Variants in SLFN11 observed in about 807,000 individuals in gnomAD.
The protein encoded by SLFN11 is schlafen family member 11.
Under a neutral mutation model 53.4 loss-of-function variants are expected in SLFN11, and 43 were observed. The ratio of observed to expected loss-of-function variants is 0.80; its 90% CI spans 0.63 to 1.04. SLFN11 has a LOEUF of 1.04. Among genes scored for constraint, SLFN11 ranks in the 50% least tolerant of loss-of-function variants. SLFN11 has a pLI of 0.00. For synonymous variants in SLFN11, 389 were observed against 394.7 expected (o/e 0.99, Z 0.17); for missense variants, 990 against 1,079.1 (o/e 0.92, Z 1.16).
At chr17:35,359,505 G>A (rs532016946) in intron 5 of SLFN11, among the ~76,000 whole-genome samples, 3 of 152,210 alleles carry the variant, frequency 2.0e-5, no homozygotes, top group African/African-American at 2.4e-5. Context: ...TAAGCAAGTG[G>A]TTTTCCCTCT....
In SLFN11 at chr17:35,363,013, A is replaced by G. The variant is rs1481634585; in HGVS notation, c.795T>C (p.Val265=). 6.2e-7 allele frequency: 1 copy of G among 1,613,960 alleles called. No individual in the cohort carries two copies. The part of the protein sequence containing the change: ...REVLGCAKEN[V]DPDSLRRKIE... ...TTTTCCTTCTCAAAGAGTCAGGGTC[A>G]ACATTTTCTTTTGCACATCCCAGGA... The change falls in exon 4 of 7, where the codon GTT becomes GTC. Residue 265 remains valine, a synonymous_variant. Coordinates refer to ENST00000685675, the MANE Select transcript of SLFN11 (RefSeq NM_001376007.1).
Position 35,352,390 on chromosome 17 carries a change from T to C in SLFN11, c.2672A>G (p.Gln891Arg). The C allele has an allele frequency of 1.2e-6, 2 of 1,614,214 alleles. No individual in the cohort carries two copies. The highest frequency in any genetic ancestry group is 2.2e-5 in the East Asian group (1 of 44,888). ...ACCCCACGGAAAAATATACAGGTGT[T>C]GTTTTGCCCTGGAAGCCAGACAGAT... ...VLICLASRAK[Q>R]HLYIFPWGGH The change falls in exon 7 of 7, where the codon CAA becomes CGA. Residue 891 changes from glutamine to arginine, a missense_variant. Physicochemically the swap from Gln to Arg is conservative, Grantham distance 43 (BLOSUM62 1). This residue lies in a region of SLFN11 where 313 missense variants were observed against 320.9 expected (regional missense o/e 0.98). Coordinates refer to ENST00000685675, the MANE Select transcript of SLFN11 (RefSeq NM_001376007.1).
At chr17:35,372,023 A>G (rs1909740056) in intron 1 of SLFN11, among the ~76,000 whole-genome samples, 2 of 152,140 alleles carry the variant, frequency 1.3e-5, no homozygotes, top group African/African-American at 2.4e-5. Context: ...CTGCACTCCT[A>G]TGTTTCCTGC....
At position 35,352,799 on chromosome 17, in the gene SLFN11, T is replaced by C; in HGVS notation, c.2263A>G (p.Asn755Asp). Residue 755 changes from asparagine (N) to aspartate (D), a missense_variant, in exon 7 of 7, where the codon AAC becomes GAC. This residue lies in a region of SLFN11 where 313 missense variants were observed against 320.9 expected (regional missense o/e 0.98). Coordinates refer to ENST00000685675, the MANE Select transcript of SLFN11 (RefSeq NM_001376007.1). ...ACCTCGAGGCACCCAGTGGGGATGT[T>C]AAATGAAGGATTACTTCTAATTACT... ...MQVIRSNPSF[N>D]IPTGCLEVFP... The C allele has an allele frequency of 6.2e-7, 1 of 1,614,240 alleles. No homozygotes were observed. The highest frequency in any genetic ancestry group is 1.6e-4 in the Middle Eastern group (1 of 6,062).
rs141788369 is a variant in SLFN11 at position 35,352,422 on chromosome 17, A to T, written c.2640T>A (p.Asn880Lys). ...PRTADPAILP[N>K]VLICLASRAK... Reference sequence around the variant, plus strand: ...CCCTGGAAGCCAGACAGATCAGAACATTGGGTAAGATAGCTGGGTCAGCTG... The same window carrying T: ...CCCTGGAAGCCAGACAGATCAGAACTTTGGGTAAGATAGCTGGGTCAGCTG... Residue 880 changes from asparagine to lysine, a missense_variant, in exon 7 of 7, where the codon AAT becomes AAA. Transcript: ENST00000685675. The T allele has an allele frequency of 2.7e-5, 43 of 1,614,132 alleles. No homozygotes were observed. The African/African-American group carries it at 5.2e-4, about 20-fold the overall frequency.
chr17:35,352,430 A>C lies in SLFN11; in HGVS notation c.2632T>G (p.Leu878Val). ...IHPRTADPAI[L>V]PNVLICLASR... ...GCCAGACAGATCAGAACATTGGGTA[A>C]GATAGCTGGGTCAGCTGTCCTTGGA... The change falls in exon 7 of 7, where the codon TTA becomes GTA. Residue 878 changes from leucine to valine, a missense_variant. Transcript: ENST00000685675. 6.2e-7 allele frequency: 1 copy of C among 1,614,256 alleles called. No individual in the cohort carries two copies. The highest frequency in any genetic ancestry group is 1.1e-5 in the South Asian group (1 of 91,088).
rs200287909 is a variant in SLFN11 at position 35,353,158 on chromosome 17, C to T, written c.1923-19G>A. 386 of 1,580,850 alleles carry T rather than the reference C, an allele frequency of 2.4e-4. No homozygotes were observed. The highest frequency in any genetic ancestry group is 7.0e-4 in the Admixed American group (40 of 57,070). On this transcript the variant is annotated intron_variant, in intron 6 of 6. Transcript: ENST00000685675. ...TCTATCACTGTAAAAATTAAAAGAACACACTCAGGTTTTCTCTAAAAAAAC... is the reference window on the plus strand; with the variant it reads ...TCTATCACTGTAAAAATTAAAAGAATACACTCAGGTTTTCTCTAAAAAAAC...
rs1906673035 is a variant in SLFN11, at chr17:35,351,488, A to G, written c.*868T>C. 1 of 152,232 alleles carries G rather than the reference A, an allele frequency of 6.6e-6. No homozygotes were observed. Among genetic ancestry groups the G allele is most frequent in the East Asian group, 1.9e-4 (1 of 5,204 alleles). 9.4% of individuals were successfully genotyped at this position (152,232 alleles called of 1,614,324 possible). ...AACATAAAACTTAACTAGGTGTGTT[A>G]TAGAGCAATGCATAGAACTAAGCTG... On this transcript the variant is annotated 3_prime_UTR_variant, in exon 7 of 7. Coordinates refer to ENST00000685675, the MANE Select transcript of SLFN11 (RefSeq NM_001376007.1).
Position 35,363,688 on chromosome 17 carries a change from G to A in SLFN11, c.120C>T (p.Asp40=). 5 of 1,613,804 alleles carry A rather than the reference G, an allele frequency of 3.1e-6. No homozygotes were observed. Among genetic ancestry groups the A allele is most frequent in the East Asian group, 2.2e-5 (1 of 44,872 alleles). ...NRKKLQKIQR[D]QEKERVMRAA... is the part of the protein sequence containing the mutation. ...CCCGCATAACTCTCTCCTTCTCTTG[G>A]TCTCTCTGAATTTTCTGCAGCTTTT... is the stretch of plus-strand genomic sequence containing the variant. Residue 40 remains aspartate (D), a synonymous_variant, in exon 4 of 7, where the codon GAC becomes GAT. Coordinates refer to ENST00000685675, the MANE Select transcript of SLFN11 (RefSeq NM_001376007.1).
rs1412073813 is a variant in SLFN11, at chr17:35,353,595, C to T, written c.1663G>A (p.Val555Met). The change falls in exon 6 of 7, where the codon GTG (valine) becomes ATG (methionine). Residue 555 changes from valine (V) to methionine (M), a missense_variant. By Grantham distance (21) the Val-to-Met change is conservative. Transcript: ENST00000685675. ...GACCTGAAGCCGAGTAAGACAATCA[C>T]GAGGGACTGCAGCAGGGCTTCCATG... ...QHMEALLQSL[V>M]IVLLGFRSLL... 1.7e-6 allele frequency: 2 copies of T among 1,180,488 alleles called. No individual in the cohort carries two copies. The highest frequency in any genetic ancestry group is 1.6e-5 in the South Asian group (1 of 62,168). 73.1% of individuals were successfully genotyped at this position (1,180,488 alleles called of 1,614,324 possible).
At position 35,371,732 on chromosome 17, in the gene SLFN11, C is replaced by A. The variant is rs143935214; in HGVS notation, c.-235+1742G>T. Among the ~76,000 whole-genome samples, 1,302 of 152,196 alleles carry A rather than the reference C, an allele frequency of 8.6e-3. 21 individuals carry two copies. The highest frequency in any genetic ancestry group is 0.03 in the African/African-American group (1,257 of 41,534). Reference sequence around the variant, plus strand: ...GCATGTGAAAAGGTGCTCAACATCACTGATCATCAGAAAAATGCAAATCCA... The same window carrying A: ...GCATGTGAAAAGGTGCTCAACATCAATGATCATCAGAAAAATGCAAATCCA... On this transcript the variant is annotated intron_variant, in intron 1 of 6. Coordinates refer to ENST00000685675, the MANE Select transcript of SLFN11 (RefSeq NM_001376007.1).
At chr17:35,356,495 G>A (rs969863698) in intron 5 of SLFN11, among the ~76,000 whole-genome samples, 2 of 151,804 alleles carry the variant, frequency 1.3e-5, no homozygotes, top group Admixed American at 6.6e-5. Context: ...CTATTCTTCC[G>A]AAATTACTTT....
chr17:35,363,118 T>A lies in SLFN11; in HGVS notation c.690A>T (p.Thr230=). ...TKHFQEYVKR[T]IPEYVPAFAN... Reference sequence around the variant, plus strand: ...CAAATGCAGGGACGTATTCTGGAATTGTCCTTTTTACATATTCTTGGAAGT... The same window carrying A: ...CAAATGCAGGGACGTATTCTGGAATAGTCCTTTTTACATATTCTTGGAAGT... The change falls in exon 4 of 7, where the codon ACA becomes ACT. Residue 230 remains threonine, a synonymous_variant. Transcript: ENST00000685675. The A allele has an allele frequency of 6.2e-7, 1 of 1,613,828 alleles. No individual in the cohort carries two copies. The highest frequency in any genetic ancestry group is 8.5e-7 in the Non-Finnish European group (1 of 1,179,934).
rs1439232908 is a variant in SLFN11 at position 35,363,718 on chromosome 17, G to C, written c.90C>G (p.Asn30Lys). ...NVGEVTLGEE[N>K]RKKLQKIQRD... Reference sequence around the variant, plus strand: ...TCTGAATTTTCTGCAGCTTTTTTCTGTTTTCTTCTCCAAGAGTCACTTCTC... The same window carrying C: ...TCTGAATTTTCTGCAGCTTTTTTCTCTTTTCTTCTCCAAGAGTCACTTCTC... Residue 30 changes from asparagine to lysine, a missense_variant, in exon 4 of 7, where the codon AAC becomes AAG. Asn to Lys is a moderately conservative substitution (Grantham distance 94). Coordinates refer to ENST00000685675, the MANE Select transcript of SLFN11 (RefSeq NM_001376007.1). 1.9e-6 allele frequency: 3 copies of C among 1,613,834 alleles called. No individual in the cohort carries two copies. The highest frequency in any genetic ancestry group is 4.5e-5 in the East Asian group (2 of 44,880).
intron 1 of SLFN11, among the ~76,000 whole-genome samples, chr17:35,372,686 C>T (rs574193367): frequency 1.5e-4 from 23 of 152,124 alleles, no homozygotes; most frequent in Admixed American, 5.9e-4. Context: ...ATGGATACCC[C>T]CATTTACCGT....
intron 1 of SLFN11, among the ~76,000 whole-genome samples, chr17:35,372,199 G>A (rs1025190619): frequency 7.2e-5 from 11 of 152,082 alleles, no homozygotes; most frequent in Non-Finnish European, 1.6e-4. Flanking sequence ...AAATCATTAC[G>A]TTAAATGAAA....
At chr17:35,367,422 T>C (rs1909090235) in intron 2 of SLFN11, 181 bp downstream of exon 2, 2 of 152,140 alleles carry the variant, frequency 1.3e-5, no homozygotes, top group Non-Finnish European at 1.5e-5. Flanking sequence ...ATAATCAGCA[T>C]CACTTGCACA....
At chr17:35,357,355 T>G (rs1907645372) in intron 5 of SLFN11, among the ~76,000 whole-genome samples, 1 of 152,084 alleles carries the variant, frequency 6.6e-6, no homozygotes, top group East Asian at 1.9e-4. Context: ...AGTCTTTACT[T>G]TTATGGTTCA....
intron 3 of SLFN11, among the ~76,000 whole-genome samples, chr17:35,365,588 C>A (rs776231767): frequency 4.1e-4 from 63 of 152,224 alleles, no homozygotes; most frequent in Non-Finnish European, 6.8e-4. Flanking sequence ...AGCCACAATG[C>A]CCAGCTGACA....
Sources: gnomAD v4.1 joint callset for allele counts (sites outside exome capture counted in the v4.1 genomes callset) on GRCh38, gnomAD v4.1.1 for gene constraint, gnomAD v4.1.1 regional missense constraint, MANE v1.5 for transcripts, NCBI Gene and HGNC (gene_info 2026-07-23, HGNC 2026-07-21) for gene names.